The following TTC28 variants were observed in gnomAD, a reference collection of about 807,000 sequenced individuals.
The protein encoded by TTC28 is tetratricopeptide repeat domain 28, also known as tetratricopeptide repeat protein 28.
In TTC28, 61 loss-of-function variants were observed where a neutral mutation model predicts 198.0. That is an observed-to-expected ratio of 0.31 (90% CI 0.25 to 0.38). The LOEUF (loss-of-function observed/expected upper bound fraction) is 0.38, where lower values mean the gene tolerates loss of function less well. TTC28 is among the 10% of genes least tolerant of loss of function. The pLI is 1.00. For synonymous variants in TTC28, 1,171 were observed against 1,297.8 expected (o/e 0.90, Z 2.10); for missense variants, 2,678 against 3,164.0 (o/e 0.85, Z 3.69).
intron 2 of TTC28, among the ~76,000 whole-genome samples, chr22:28,581,391 A>G (rs1036453934): frequency 2.6e-5 from 4 of 152,244 alleles, no homozygotes; most frequent in African/African-American, 9.6e-5. Flanking sequence ...GAATAGACTA[A>G]CACGACATCC....
intron 5 of TTC28, among the ~76,000 whole-genome samples, chr22:28,256,422 A>C (rs1930923754): frequency 3.6e-5 from 4 of 112,358 alleles, no homozygotes; most frequent in Non-Finnish European, 7.6e-5. Context: ...ACTCCGTCTC[A>C]AAAAAAAAAA....
At chr22:28,204,591 C>T (rs145229333) in intron 5 of TTC28, among the ~76,000 whole-genome samples, 4 of 152,222 alleles carry the variant, frequency 2.6e-5, no homozygotes, top group African/African-American at 9.6e-5. Context: ...TGACTCTCAT[C>T]ACTCCGTGAA....
chr22:28,582,459 ATTAC>A (rs1315142899), intron 2 of TTC28, among the ~76,000 whole-genome samples: 1 of 152,208 alleles, frequency 6.6e-6, no homozygotes, highest in African/African-American at 2.4e-5. Context: ...GCAACTGTGT[ATTAC>A]TTAAGGAGGA....
chr22:28,674,238 G>T (rs957546343), intron 1 of TTC28, among the ~76,000 whole-genome samples: 1 of 143,502 alleles, frequency 7.0e-6, no homozygotes, highest in African/African-American at 2.6e-5. Flanking sequence ...GAGGCTTGGG[G>T]TTTCTGTTTG....
chr22:28,292,079 ATAAT>A (rs2044798567), intron 5 of TTC28, among the ~76,000 whole-genome samples: 1 of 152,038 alleles, frequency 6.6e-6, no homozygotes, highest in Non-Finnish European at 1.5e-5. Flanking sequence ...ATATTAACTT[ATAAT>A]TAATAATTAG....
At position 28,051,491 on chromosome 22, in the gene TTC28, A is replaced by C. The variant is rs192194216; in HGVS notation, c.3933-21125T>G. Among the ~76,000 whole-genome samples the C allele has an allele frequency of 2.2e-4, 34 of 152,302 alleles. 1 individual carries two copies. Among genetic ancestry groups the C allele is most frequent in the Admixed American group, 2.1e-3 (32 of 15,298 alleles). ...GTTTTCTCTTTCTCTTTCTCTCAGC[A>C]AAGAATATTTCCTTCTCTCTCTAAT... On this transcript the variant is annotated intron_variant, in intron 12 of 22. Transcript: ENST00000397906.
intron 5 of TTC28, among the ~76,000 whole-genome samples, chr22:28,213,958 C>T (rs569986518): frequency 1.3e-5 from 2 of 152,110 alleles, no homozygotes; most frequent in South Asian, 4.2e-4. Flanking sequence ...CAGAACAGAG[C>T]CCTCAGAAAT....
At position 28,417,173 on chromosome 22, in the gene TTC28, G is replaced by C. The variant is rs116970643; in HGVS notation, c.382-110530C>G. Among the ~76,000 whole-genome samples the C allele has an allele frequency of 3.2e-3, 485 of 151,892 alleles. 7 individuals are homozygous for C. The East Asian group carries it at 0.05, about 16-fold the overall frequency. On this transcript the variant is annotated intron_variant, in intron 2 of 22. Coordinates refer to ENST00000397906, the MANE Select transcript of TTC28 (RefSeq NM_001145418.2). ...GGAGGCTGAGGTGGGAGGATGGCTTGAGCCTAGGGGTTTGAGACCAGCCTA... is the reference window on the plus strand; with the variant it reads ...GGAGGCTGAGGTGGGAGGATGGCTTCAGCCTAGGGGTTTGAGACCAGCCTA...
At chr22:28,037,309 C>A (rs1419137706) in intron 12 of TTC28, among the ~76,000 whole-genome samples, 1 of 152,176 alleles carries the variant, frequency 6.6e-6, no homozygotes, top group East Asian at 1.9e-4. Flanking sequence ...CATCAAAAAG[C>A]TTATCCAACA....
chr22:28,351,396 T>C (rs1419443965), intron 2 of TTC28, among the ~76,000 whole-genome samples: 3 of 152,194 alleles, frequency 2.0e-5, no homozygotes, highest in Non-Finnish European at 2.9e-5. Context: ...TATCTTAATA[T>C]AGTCTTCTAT....
Position 28,166,950 on chromosome 22 carries a change from G to A in TTC28, c.934-3351C>T, listed in dbSNP as rs1433583858. On this transcript the variant is annotated intron_variant, in intron 5 of 22. Transcript: ENST00000397906. ...AAAGACTAATAAAGAAGAAAAGAGA[G>A]AAGAATCAAATAGATGCAATAAAAA... Among the ~76,000 whole-genome samples the A allele has an allele frequency of 2.0e-5, 3 of 151,994 alleles. 1 individual carries two copies. The highest frequency in any genetic ancestry group is 4.2e-4 in the South Asian group (2 of 4,806).
intron 5 of TTC28, among the ~76,000 whole-genome samples, chr22:28,291,917 A>G (rs1224831718): frequency 1.3e-5 from 2 of 152,146 alleles, no homozygotes; most frequent in Non-Finnish European, 2.9e-5. Context: ...AAAAATTATA[A>G]AACAGCACTC....
Position 27,983,325 on chromosome 22 carries a change from CAG to C in TTC28, c.6340_6341del (p.Leu2114AspfsTer26). Reference sequence around the variant, plus strand: ...GGAAGGGTGAGTTGGGGCTGGGAATCAGAGTCATTTTCACTGGAGAATTTGGA... The same window carrying C: ...GGAAGGGTGAGTTGGGGCTGGGAATCAGTCATTTTCACTGGAGAATTTGGA... ...STPNSPVKMT[L>X]IPSPNSPFQK... On this transcript the variant is annotated frameshift_variant, in exon 23 of 23. Coordinates refer to ENST00000397906, the MANE Select transcript of TTC28 (RefSeq NM_001145418.2). LOFTEE classifies it low-confidence loss of function (END_TRUNC). 6.4e-7 allele frequency: 1 copy of C among 1,551,988 alleles called. No individual in the cohort carries two copies. The highest frequency in any genetic ancestry group is 8.7e-7 in the Non-Finnish European group (1 of 1,147,092).
intron 13 of TTC28, among the ~76,000 whole-genome samples, chr22:28,015,597 AT>A (rs5844802): frequency 3.3e-5 from 5 of 150,006 alleles, no homozygotes; most frequent in African/African-American, 7.4e-5. Flanking sequence ...TAATTTGTAA[AT>A]TTTTTTTTGT....
intron 2 of TTC28, among the ~76,000 whole-genome samples, chr22:28,621,517 C>T (rs1463776894): frequency 1.3e-5 from 2 of 151,294 alleles, no homozygotes; most frequent in Non-Finnish European, 2.9e-5. Context: ...GAGTTTGAGA[C>T]CAGCCTGGGC....
chr22:28,234,560 A>C (rs1929088517), intron 5 of TTC28, among the ~76,000 whole-genome samples: 1 of 151,078 alleles, frequency 6.6e-6, no homozygotes, highest in Non-Finnish European at 1.5e-5. Flanking sequence ...TTTAGTAGAG[A>C]TAGGGTTTCA....
At chr22:28,068,316 C>CA (rs1940839034) in intron 12 of TTC28, among the ~76,000 whole-genome samples, 1 of 152,136 alleles carries the variant, frequency 6.6e-6, no homozygotes, top group Non-Finnish European at 1.5e-5. Flanking sequence ...TTCTGAGACT[C>CA]AATTTTCTTG....
intron 5 of TTC28, among the ~76,000 whole-genome samples, chr22:28,173,850 A>G (rs547798865): frequency 6.6e-6 from 1 of 152,208 alleles, no homozygotes; most frequent in East Asian, 1.9e-4. Context: ...TTTTTCCCTT[A>G]CCATATGTAT....
rs1233575651 is a variant in TTC28 at position 27,990,785 on chromosome 22, T to G, written c.5577+4A>C. 6.4e-7 allele frequency: 1 copy of G among 1,550,436 alleles called. No individual in the cohort carries two copies. Among genetic ancestry groups the G allele is most frequent in the Non-Finnish European group, 8.7e-7 (1 of 1,146,828 alleles). Reference sequence around the variant, plus strand: ...CAACAGTTGCTACTTAAAGTAGTACTCACCATTCCAACCATATTTTTAACA... The same window carrying G: ...CAACAGTTGCTACTTAAAGTAGTACGCACCATTCCAACCATATTTTTAACA... On this transcript the variant is annotated splice_donor_region_variant and intron_variant, in intron 20 of 22. Transcript: ENST00000397906.
Sources: allele counts gnomAD v4.1 joint callset (sites outside exome capture counted in the v4.1 genomes callset), GRCh38; gene constraint gnomAD v4.1.1; transcripts MANE v1.5; gene names NCBI Gene and HGNC (gene_info 2026-07-23, HGNC 2026-07-21).